The following ABL1 variants were observed in gnomAD, a reference collection of about 807,000 sequenced individuals.
ABL1 encodes the protein ABL proto-oncogene 1, non-receptor tyrosine kinase.
Under a neutral mutation model 94.7 loss-of-function variants are expected in ABL1, and 11 were observed. The ratio of observed to expected loss-of-function variants is 0.12; its 90% CI spans 0.07 to 0.19. The LOEUF is 0.19. Among genes scored for constraint, ABL1 ranks in the 10% least tolerant of loss-of-function variants. The pLI is 1.00. For synonymous variants in ABL1, 656 were observed against 622.4 expected, an observed-to-expected ratio of 1.05 and a Z score of -0.80; for missense variants, 1,082 against 1,489.4, an observed-to-expected ratio of 0.73 and a Z score of 4.50.
intron 1 of ABL1, among the ~76,000 whole-genome samples, chr9:130,839,402 G>T (rs536985778): frequency 6.6e-6 from 1 of 152,278 alleles, no homozygotes; most frequent in South Asian, 2.1e-4. Flanking sequence ...TACTTCCCTT[G>T]TTCAGTAACA....
At chr9:130,755,904 C>T (rs901163714) in intron 1 of ABL1, among the ~76,000 whole-genome samples, 1 of 152,168 alleles carries the variant, frequency 6.6e-6, no homozygotes, top group Non-Finnish European at 1.5e-5. Context: ...AGCTCAGGGC[C>T]TGTCCTTCAA....
intron 3 of ABL1, among the ~76,000 whole-genome samples, chr9:130,859,656 G>A (rs1400106142): frequency 5.6e-5 from 8 of 141,958 alleles, no homozygotes; most frequent in African/African-American, 1.1e-4. Flanking sequence ...CAAAAGAAAC[G>A]CTGTTTCTTT....
chr9:130,725,653 T>C (rs1831571559), intron 1 of ABL1, among the ~76,000 whole-genome samples: 1 of 152,044 alleles, frequency 6.6e-6, no homozygotes, highest in Admixed American at 6.6e-5. Flanking sequence ...GTGCGGGGAT[T>C]ACAGGCATGA....
At chr9:130,846,615 T>TATAG (rs2132940998) in intron 1 of ABL1, among the ~76,000 whole-genome samples, 1 of 152,340 alleles carries the variant, frequency 6.6e-6, no homozygotes. Flanking sequence ...CCTTGCACTC[T>TATAG]AGTGGGAACT....
Position 130,735,961 on chromosome 9 carries a change from A to ATATATTTT in ABL1, c.136+21507_136+21508insATATTTTT, listed in dbSNP as rs573602038. On this transcript the variant is annotated intron_variant, in intron 1 of 10. Transcript: ENST00000372348. ...TATATATATATATATATATATATAT[A>ATATATTTT]TTTTTTTTTTTTAAGACAGGGTCTG... 1.0e-3 allele frequency among the ~76,000 whole-genome samples: 97 copies of ATATATTTT among 94,820 alleles called. 1 individual carries two copies. In the East Asian group the frequency reaches 0.013, roughly 12 times the overall value. 62.2% of individuals were successfully genotyped at this position (94,820 alleles called of 152,430 possible). A position where few individuals can be genotyped will look rare whatever the true frequency, so the allele number is the denominator to read the frequency against.
chr9:130,807,695 G>GT (rs1201794127), intron 1 of ABL1, among the ~76,000 whole-genome samples: 1,652 of 73,702 alleles, frequency 0.022, 86 homozygotes, highest in African/African-American at 0.07. Context: ...TATATATATA[G>GT]TTTTTTTTTT....
intron 4 of ABL1, among the ~76,000 whole-genome samples, chr9:130,866,645 A>G (rs1206291319): frequency 6.6e-6 from 1 of 152,200 alleles, no homozygotes; most frequent in Non-Finnish European, 1.5e-5. Context: ...TTCCAGGCAG[A>G]AGGAAGACAG....
intron 2 of ABL1, 121 bp downstream of exon 2, chr9:130,854,358 C>A: frequency 8.8e-7 from 1 of 1,132,072 alleles, no homozygotes; most frequent in Non-Finnish European, 1.3e-6. Flanking sequence ...GCAGGGATAT[C>A]CAAAACAACA....
chr9:130,790,906 A>G lies in ABL1; in HGVS notation c.137-63158A>G, dbSNP rs1404695952. Among the ~76,000 whole-genome samples the G allele has an allele frequency of 2.0e-5, 3 of 152,316 alleles. No homozygotes were observed. The East Asian group carries it at 5.8e-4, about 29-fold the overall frequency. On this transcript the variant is annotated intron_variant, in intron 1 of 10. Transcript: ENST00000372348. Reference sequence around the variant, plus strand: ...TGGTGATCAGACTCAGGGTGGGTGCATCTCCTTGGGCCTTCAGGCCCCTTG... The same window carrying G: ...TGGTGATCAGACTCAGGGTGGGTGCGTCTCCTTGGGCCTTCAGGCCCCTTG...
Position 130,835,628 on chromosome 9 carries a change from C to T in ABL1, c.79+103C>T. ...GCCCGCGCGCTCCCGCCTGCGCCCT[C>T]CCCGGGTCTTGTCTTTTTTTTCTTT... On this transcript the variant is annotated intron_variant, in intron 1 of 10. Transcript: ENST00000318560. The surrounding 1 kb of genome is among the most constrained non-coding windows in gnomAD (Gnocchi z 4.6). The T allele has an allele frequency of 1.2e-6, 1 of 839,214 alleles. No homozygotes were observed. Among genetic ancestry groups the T allele is most frequent in the Non-Finnish European group, 1.9e-6 (1 of 527,272 alleles). The allele number at this position is 839,214 out of a possible 1,614,324, so 52.0% of individuals were successfully genotyped here.
exon 1 of ABL1, chr9:130,713,836 A>C (rs1831402499): frequency 4.5e-6 from 1 of 221,924 alleles, no homozygotes; most frequent in South Asian, 1.8e-4. Flanking sequence ...AGCGGCCACT[A>C]GTTCGGCAGG....
At chr9:130,823,294 T>C (rs2132880682) in intron 1 of ABL1, among the ~76,000 whole-genome samples, 1 of 152,290 alleles carries the variant, frequency 6.6e-6, no homozygotes, top group East Asian at 1.9e-4. Flanking sequence ...TTCTAAAGGT[T>C]ACAGGACTGT....
intron 1 of ABL1, among the ~76,000 whole-genome samples, chr9:130,750,612 A>G (rs1311198161): frequency 6.8e-6 from 1 of 147,068 alleles, no homozygotes; most frequent in Non-Finnish European, 1.5e-5. Context: ...CACCTGACCT[A>G]ACATGGTTCT....
chr9:130,774,816 T>C (rs1391878361), intron 1 of ABL1, among the ~76,000 whole-genome samples: 3 of 151,850 alleles, frequency 2.0e-5, no homozygotes, highest in Non-Finnish European at 2.9e-5. Context: ...CACTCCATCC[T>C]GGGTGACAAA....
chr9:130,816,320 CTTAT>C (rs1225119958), intron 1 of ABL1, among the ~76,000 whole-genome samples: 2 of 152,050 alleles, frequency 1.3e-5, no homozygotes, highest in Non-Finnish European at 2.9e-5. Flanking sequence ...TTCTGATCAC[CTTAT>C]TTAATTTTTA....
At chr9:130,736,863 G>A (rs1325405414) in intron 1 of ABL1, among the ~76,000 whole-genome samples, 1 of 152,284 alleles carries the variant, frequency 6.6e-6, no homozygotes, top group East Asian at 1.9e-4. Context: ...CAGGTTCTTT[G>A]TGTGGCAGAT....
chr9:130,842,873 G>A (rs956094290), intron 1 of ABL1, among the ~76,000 whole-genome samples: 2 of 152,222 alleles, frequency 1.3e-5, no homozygotes, highest in Non-Finnish European at 1.5e-5. Flanking sequence ...GGTGTCCGGC[G>A]AGCTCACTGT....
At chr9:130,718,351 A>ACC (rs901204694) in intron 1 of ABL1, among the ~76,000 whole-genome samples, 1 of 150,318 alleles carries the variant, frequency 6.7e-6, no homozygotes, top group Non-Finnish European at 1.5e-5. Flanking sequence ...ACTACCATTT[A>ACC]CCATGTTTTG....
intron 1 of ABL1, among the ~76,000 whole-genome samples, chr9:130,735,597 A>G (rs573364583): frequency 2.0e-5 from 3 of 151,820 alleles, no homozygotes; most frequent in South Asian, 4.2e-4. Flanking sequence ...TTTTCCCTTA[A>G]TAGATCCTCA....
Sources: gnomAD v4.1 joint callset for allele counts (sites outside exome capture counted in the v4.1 genomes callset) on GRCh38, gnomAD v4.1.1 for gene constraint, Gnocchi (gnomAD v3.1) non-coding constraint, MANE v1.5 for transcripts, NCBI Gene and HGNC (gene_info 2026-07-23, HGNC 2026-07-21) for gene names.